The following PEX7 variants were observed in gnomAD, a reference collection of about 807,000 sequenced individuals.
The protein encoded by PEX7 is PTS2 receptor.
A neutral mutation model predicts 47.5 loss-of-function variants in PEX7; 34 were observed. The observed-to-expected ratio is 0.72, with a 90% CI of 0.54 to 0.95. The LOEUF is 0.95. Ranked by LOEUF, PEX7 falls within the 40% of genes least tolerant of loss-of-function variation. The probability of loss-of-function intolerance (pLI) is 0.00; values close to 1 mark genes in which losing one functional copy is unlikely to be tolerated. For missense variants in PEX7, 394 were observed against 400.3 expected, an observed-to-expected ratio of 0.98 and a Z score of 0.13; for synonymous variants, 141 against 148.8, an observed-to-expected ratio of 0.95 and a Z score of 0.38.
chr6:136,903,251 T>G (rs998526746), intron 9 of PEX7, among the ~76,000 whole-genome samples: 1 of 151,998 alleles, frequency 6.6e-6, no homozygotes, highest in Non-Finnish European at 1.5e-5. Flanking sequence ...TCTGAACCCC[T>G]CCTTCCCAGT....
chr6:136,861,715 G>A (rs1288449478), intron 5 of PEX7, among the ~76,000 whole-genome samples: 1 of 151,570 alleles, frequency 6.6e-6, no homozygotes, highest in Non-Finnish European at 1.5e-5. Flanking sequence ...TTGTTAAAAA[G>A]CATACTCCAG....
At chr6:136,845,883 C>T (rs1774589381) in intron 4 of PEX7, among the ~76,000 whole-genome samples, 190 bp from the exon 5 acceptor site, 1 of 152,090 alleles carries the variant, frequency 6.6e-6, no homozygotes. Flanking sequence ...TAATAGTTAG[C>T]TCAGCATTAG....
intron 5 of PEX7, among the ~76,000 whole-genome samples, chr6:136,853,580 T>A (rs1368247717): frequency 2.0e-5 from 3 of 152,190 alleles, no homozygotes; most frequent in African/African-American, 7.2e-5. Flanking sequence ...TATTTTTAAT[T>A]TTAAAAGTAA....
At chr6:136,844,855 C>G (rs1005303070) in intron 3 of PEX7, among the ~76,000 whole-genome samples, 1 of 152,186 alleles carries the variant, frequency 6.6e-6, no homozygotes, top group African/African-American at 2.4e-5. Flanking sequence ...ACTCATACTT[C>G]CTACGTATAT....
At chr6:136,851,021 C>CT (rs1041482928) in intron 5 of PEX7, among the ~76,000 whole-genome samples, 40 of 69,520 alleles carry the variant, frequency 5.8e-4, no homozygotes, top group African/African-American at 2.0e-3. Context: ...TTATTATACT[C>CT]TAAGTTTTAG....
intron 3 of PEX7, among the ~76,000 whole-genome samples, chr6:136,831,866 G>T (rs1025494906): frequency 6.6e-6 from 1 of 152,270 alleles, no homozygotes; most frequent in Non-Finnish European, 1.5e-5. Context: ...TCTGAAAGGT[G>T]CAGTCCTTAT....
intron 9 of PEX7, among the ~76,000 whole-genome samples, chr6:136,911,508 C>T (rs1775932033): frequency 6.6e-6 from 1 of 151,994 alleles, no homozygotes; most frequent in Admixed American, 6.6e-5. Flanking sequence ...CAGGTTGAAG[C>T]GATTCTCCCA....
intron 5 of PEX7, among the ~76,000 whole-genome samples, chr6:136,853,105 C>T (rs1562738087): frequency 6.6e-6 from 1 of 152,002 alleles, no homozygotes; most frequent in African/African-American, 2.4e-5. Flanking sequence ...ACTGGCTAGC[C>T]ATATGTAGAA....
chr6:136,867,458 A>G lies in PEX7; in HGVS notation c.633+725A>G, dbSNP rs76784389. 3.4e-3 allele frequency among the ~76,000 whole-genome samples: 512 copies of G among 152,224 alleles called. 9 individuals carry two copies. In the South Asian group the frequency reaches 0.041, roughly 12 times the overall value. On this transcript the variant is annotated intron_variant, in intron 6 of 9. Transcript: ENST00000318471. ...TAATCCTGACTCAGTGTAGTCCTAA[A>G]CTAATATGTGTGCGTCTCAGTTTTT...
chr6:136,868,410 TAAA>T (rs970744891), intron 6 of PEX7, among the ~76,000 whole-genome samples: 11 of 152,218 alleles, frequency 7.2e-5, no homozygotes, highest in Middle Eastern at 6.8e-3. Context: ...GTTCTTTAAA[TAAA>T]AATAAGTAAA....
intron 3 of PEX7, among the ~76,000 whole-genome samples, chr6:136,837,891 GA>G (rs2115154715): frequency 6.6e-6 from 1 of 151,816 alleles, no homozygotes; most frequent in South Asian, 2.1e-4. Context: ...TTGTGATTAG[GA>G]AAAATGTAGT....
chr6:136,908,084 T>C (rs551462690), intron 9 of PEX7, among the ~76,000 whole-genome samples: 85 of 152,334 alleles, frequency 5.6e-4, no homozygotes, highest in Non-Finnish European at 1.1e-3. Context: ...GCATTCCATG[T>C]ATGAAGATGT....
intron 9 of PEX7, among the ~76,000 whole-genome samples, chr6:136,899,273 T>G (rs1343779909): frequency 1.3e-5 from 2 of 149,418 alleles, no homozygotes; most frequent in African/African-American, 4.9e-5. Flanking sequence ...ACAGAGTTTT[T>G]GCTCTGTTGC....
intron 8 of PEX7, among the ~76,000 whole-genome samples, chr6:136,876,581 C>T (rs770758830): frequency 5.1e-4 from 78 of 152,122 alleles, no homozygotes; most frequent in Admixed American, 4.6e-4. Flanking sequence ...TGAGTGAGAA[C>T]ACGCGGTGTT....
intron 8 of PEX7, among the ~76,000 whole-genome samples, chr6:136,895,122 C>G (rs1055904757): frequency 1.3e-5 from 2 of 152,134 alleles, no homozygotes; most frequent in Non-Finnish European, 2.9e-5. Flanking sequence ...GTTAGCCCCT[C>G]CTTTCAACTC....
intron 9 of PEX7, among the ~76,000 whole-genome samples, chr6:136,905,076 C>A (rs1415787323): frequency 1.3e-5 from 2 of 152,156 alleles, no homozygotes; most frequent in Non-Finnish European, 2.9e-5. Flanking sequence ...TCCACTGTAT[C>A]TTTCCTCATC....
At chr6:136,886,780 C>T (rs763796120) in intron 8 of PEX7, among the ~76,000 whole-genome samples, 2 of 152,146 alleles carry the variant, frequency 1.3e-5, no homozygotes, top group African/African-American at 2.4e-5. Flanking sequence ...GGGCTGGGCA[C>T]AGTGGCTTAT....
intron 5 of PEX7, among the ~76,000 whole-genome samples, chr6:136,862,266 C>G (rs1774981098): frequency 6.8e-6 from 1 of 146,802 alleles, no homozygotes; most frequent in African/African-American, 2.5e-5. Flanking sequence ...TTAGTAGAGA[C>G]AGGGTTTTGC....
chr6:136,836,351 G>T (rs1391546611), intron 3 of PEX7, among the ~76,000 whole-genome samples: 1 of 151,816 alleles, frequency 6.6e-6, no homozygotes, highest in Non-Finnish European at 1.5e-5. Flanking sequence ...AATAAAAATG[G>T]TTACCTTGAA....
Sources: allele counts gnomAD v4.1 joint callset (sites outside exome capture counted in the v4.1 genomes callset), GRCh38; gene constraint gnomAD v4.1.1; transcripts MANE v1.5; gene names NCBI Gene and HGNC (gene_info 2026-07-23, HGNC 2026-07-21).